SCAPER: variants seen among roughly 807,000 people sequenced by gnomAD.
SCAPER encodes S phase cyclin A-associated protein in the endoplasmic reticulum.
SCAPER carries 98 observed loss-of-function variants against 182.2 expected under a neutral mutation model. The observed-to-expected ratio is 0.54, with a 90% confidence interval of 0.46 to 0.64. SCAPER has a LOEUF of 0.64. Ranked by LOEUF, SCAPER falls within the 30% of genes least tolerant of loss-of-function variation. The pLI is 0.00. For missense variants in SCAPER, 1,432 were observed against 1,690.0 expected (o/e 0.85, Z 2.68); for synonymous variants, 605 against 564.6 (o/e 1.07, Z -1.01).
intron 15 of SCAPER, among the ~76,000 whole-genome samples, chr15:76,740,823 TAC>T (rs1203744852): frequency 1.3e-5 from 2 of 152,102 alleles, no homozygotes; most frequent in African/African-American, 4.8e-5. Context: ...AATTTAAAGT[TAC>T]AGAGGAAAAC....
chr15:76,354,290 G>T lies in SCAPER; in HGVS notation c.3856-150C>A. The T allele has an allele frequency of 1.8e-6, 1 of 562,724 alleles. No individual in the cohort carries two copies. Among genetic ancestry groups the T allele is most frequent in the South Asian group, 3.4e-5 (1 of 29,124 alleles). 34.9% of individuals were successfully genotyped at this position (562,724 alleles called of 1,614,324 possible). On this transcript the variant is annotated intron_variant, in intron 29 of 31. Transcript: ENST00000563290. The surrounding 1 kb of genome is among the most constrained non-coding windows in gnomAD (Gnocchi z 4.4). ...CTCCGTACCAGAGCTTAATTTAAGT[G>T]ATACTTGAAAAGAGCAGAAAAAAAA...
chr15:76,702,239 A>C (rs1169613019), intron 19 of SCAPER, among the ~76,000 whole-genome samples: 2 of 151,970 alleles, frequency 1.3e-5, no homozygotes, highest in East Asian at 1.9e-4. Flanking sequence ...TTGAAGGTTC[A>C]AGTCTCAGCA....
intron 2 of SCAPER, among the ~76,000 whole-genome samples, chr15:76,866,260 CGT>C (rs965292328): frequency 6.8e-6 from 1 of 146,038 alleles, no homozygotes; most frequent in Admixed American, 6.9e-5. Context: ...TGTGTGTGTG[CGT>C]GTGTGTGTGT....
At chr15:76,871,496 G>A (rs1211400051) in intron 2 of SCAPER, among the ~76,000 whole-genome samples, 1 of 150,420 alleles carries the variant, frequency 6.6e-6, no homozygotes, top group Non-Finnish European at 1.5e-5. Flanking sequence ...ATAAGGGCAA[G>A]ATGGGATAGC....
At chr15:76,798,369 AAAAAAGAAAAG>A (rs1051535266) in intron 7 of SCAPER, among the ~76,000 whole-genome samples, 6 of 151,792 alleles carry the variant, frequency 4.0e-5, no homozygotes, top group African/African-American at 9.7e-5. Context: ...TAAAAAAAAA[AAAAAAGAAAAG>A]AAAAAGAAAA....
At chr15:76,762,593 T>G (rs2062859031) in intron 14 of SCAPER, among the ~76,000 whole-genome samples, 2 of 152,148 alleles carry the variant, frequency 1.3e-5, no homozygotes, top group African/African-American at 4.8e-5. Flanking sequence ...AGTGAATCCA[T>G]TATCAATTTT....
At chr15:76,672,951 A>G (rs1436312849) in intron 20 of SCAPER, among the ~76,000 whole-genome samples, 1 of 152,234 alleles carries the variant, frequency 6.6e-6, no homozygotes, top group East Asian at 1.9e-4. Flanking sequence ...ATAAAAAGAA[A>G]ATTTATTTCA....
At chr15:76,566,242 T>C (rs2047027723) in intron 23 of SCAPER, among the ~76,000 whole-genome samples, 1 of 152,176 alleles carries the variant, frequency 6.6e-6, no homozygotes, top group African/African-American at 2.4e-5. Flanking sequence ...TATCGGTGAA[T>C]GGAATTTTAC....
intron 15 of SCAPER, among the ~76,000 whole-genome samples, chr15:76,744,535 T>C (rs1188731659): frequency 6.6e-6 from 1 of 152,200 alleles, no homozygotes; most frequent in Non-Finnish European, 1.5e-5. Flanking sequence ...GAAAAAATTC[T>C]TAGCATCATT....
chr15:76,573,124 T>A lies in SCAPER; in HGVS notation c.2838+1034A>T, dbSNP rs576606982. 2.6e-5 allele frequency among the ~76,000 whole-genome samples: 4 copies of A among 152,238 alleles called. No homozygotes were observed. The South Asian group carries it at 6.2e-4, about 24-fold the overall frequency. ...TCTATTGTGCAATATTTTATAAAGGTCAAAGCCAAGTAACATTATTTAACA... is the reference window on the plus strand; with the variant it reads ...TCTATTGTGCAATATTTTATAAAGGACAAAGCCAAGTAACATTATTTAACA... On this transcript the variant is annotated intron_variant, in intron 23 of 31. Coordinates refer to ENST00000563290, the MANE Select transcript of SCAPER (RefSeq NM_020843.4).
At chr15:76,632,009 T>C (rs112089872) in intron 21 of SCAPER, among the ~76,000 whole-genome samples, 2 of 152,328 alleles carry the variant, frequency 1.3e-5, no homozygotes, top group Non-Finnish European at 2.9e-5. Flanking sequence ...TCTAATCTTG[T>C]CTGCCTGCCT....
Position 76,883,868 on chromosome 15 carries a change from G to T in SCAPER, c.-51C>A. On this transcript the variant is annotated 5_prime_UTR_variant, in exon 2 of 32. Transcript: ENST00000563290. ...ATCATTTATCACATAAACCCATGGAGTATGACTCCTACAATAAAAAATATA... is the reference window on the plus strand; with the variant it reads ...ATCATTTATCACATAAACCCATGGATTATGACTCCTACAATAAAAAATATA... 2 of 1,352,642 alleles carry T rather than the reference G, an allele frequency of 1.5e-6. No individual in the cohort carries two copies. Among genetic ancestry groups the T allele is most frequent in the South Asian group, 1.4e-5 (1 of 71,300 alleles). The allele number at this position is 1,352,642 out of a possible 1,614,324, so 83.8% of individuals were successfully genotyped here.
intron 25 of SCAPER, among the ~76,000 whole-genome samples, chr15:76,464,007 CTTTTTT>C (rs10630336): frequency 3.3e-5 from 4 of 120,376 alleles, no homozygotes; most frequent in Admixed American, 8.9e-5. Flanking sequence ...TTTCACTGGT[CTTTTTT>C]TTTTTTTTTT....
chr15:76,588,656 CTTGT>C (rs1003738792), intron 22 of SCAPER, among the ~76,000 whole-genome samples: 6 of 152,086 alleles, frequency 3.9e-5, no homozygotes, highest in African/African-American at 9.7e-5. Flanking sequence ...GCCTGTATAA[CTTGT>C]TTGTCTTTAA....
Position 76,490,923 on chromosome 15 carries a change from CT to C in SCAPER, c.2954+13935del, listed in dbSNP as rs1200197541. ...TCCTGTGTTGTGTATTCTTGACAAT[CT>C]TATCAAAGATCAGCTGACTCCATCT... is the stretch of plus-strand genomic sequence containing the variant. On this transcript the variant is annotated intron_variant, in intron 24 of 31. Coordinates refer to ENST00000563290, the MANE Select transcript of SCAPER (RefSeq NM_020843.4). Among the ~76,000 whole-genome samples the C allele has an allele frequency of 2.1e-4, 32 of 152,238 alleles. No homozygotes were observed. The South Asian group carries it at 5.8e-3, about 28-fold the overall frequency.
At chr15:76,798,841 G>A (rs4886829) in intron 7 of SCAPER, among the ~76,000 whole-genome samples, 2 of 151,616 alleles carry the variant, frequency 1.3e-5, no homozygotes, top group Non-Finnish European at 2.9e-5. Context: ...GACAAACACC[G>A]AGAACATCTG....
At chr15:76,718,235 G>A (rs1344466262) in intron 17 of SCAPER, among the ~76,000 whole-genome samples, 1 of 152,064 alleles carries the variant, frequency 6.6e-6, no homozygotes, top group East Asian at 1.9e-4. Flanking sequence ...AACAACAATA[G>A]AAACGCAACA....
intron 2 of SCAPER, among the ~76,000 whole-genome samples, chr15:76,869,722 A>G (rs1011190093): frequency 2.0e-5 from 3 of 152,180 alleles, no homozygotes; most frequent in Non-Finnish European, 4.4e-5. Context: ...CTAAAAAGAG[A>G]ATCATCATAT....
At chr15:76,393,143 G>A (rs1273933407) in intron 27 of SCAPER, among the ~76,000 whole-genome samples, 1 of 152,158 alleles carries the variant, frequency 6.6e-6, no homozygotes, top group African/African-American at 2.4e-5. Context: ...TTGCCATTGT[G>A]AGTACAGAGA....
Sources: gnomAD v4.1 joint callset for allele counts (sites outside exome capture counted in the v4.1 genomes callset) on GRCh38, gnomAD v4.1.1 for gene constraint, Gnocchi (gnomAD v3.1) non-coding constraint, MANE v1.5 for transcripts, NCBI Gene and HGNC (gene_info 2026-07-23, HGNC 2026-07-21) for gene names.